KIF21A: variants seen among roughly 807,000 people sequenced by gnomAD.
The protein encoded by KIF21A is kinesin-like protein KIF21A.
KIF21A carries 114 observed loss-of-function variants against 202.9 expected under a neutral mutation model. The observed-to-expected ratio is 0.56, with a 90% confidence interval of 0.48 to 0.66. The LOEUF is 0.66. Ranked by LOEUF, KIF21A falls within the 30% of genes least tolerant of loss-of-function variation. The pLI, the probability that KIF21A is intolerant of heterozygous loss-of-function variation, is 0.00. For synonymous variants in KIF21A, 667 were observed against 670.8 expected, an observed-to-expected ratio of 0.99 and a Z score of 0.09; for missense variants, 1,677 against 1,994.9, an observed-to-expected ratio of 0.84 and a Z score of 3.04.
chr12:39,370,122 C>G lies in KIF21A; in HGVS notation c.184G>C (p.Glu62Gln). 6.2e-7 allele frequency: 1 copy of G among 1,613,208 alleles called. No individual in the cohort carries two copies. The highest frequency in any genetic ancestry group is 2.2e-5 in the East Asian group (1 of 44,814). ...DYVFDIDSQQ[E>Q]QIYIQCIEKL... ...TCTATACATTGAATGTAGATCTGCT[C>G]TTGCTGGGAGTCAATGTCAAATACA... The change falls in exon 2 of 38, where the codon GAG (glutamate) becomes CAG (glutamine). Residue 62 changes from glutamate (E) to glutamine (Q), a missense_variant. Physicochemically the swap from Glu to Gln is conservative, Grantham distance 29. This residue lies in a region of KIF21A where 966 missense variants were observed against 1,180.9 expected (regional missense o/e 0.82). Coordinates refer to ENST00000361418, the MANE Select transcript of KIF21A (RefSeq NM_001173464.2).
At chr12:39,336,667 T>C (rs1592216091) in intron 17 of KIF21A, among the ~76,000 whole-genome samples, 1 of 152,282 alleles carries the variant, frequency 6.6e-6, no homozygotes, top group South Asian at 2.1e-4. Flanking sequence ...GATACAAAAA[T>C]TTTGATAGTC....
At chr12:39,384,316 T>C (rs926917583) in intron 1 of KIF21A, among the ~76,000 whole-genome samples, 7 of 152,218 alleles carry the variant, frequency 4.6e-5, no homozygotes, top group Non-Finnish European at 1.0e-4. Context: ...ATTTTATTAA[T>C]ATGCCATTCC....
At position 39,332,598 on chromosome 12, in the gene KIF21A, A is replaced by C; in HGVS notation, c.2849T>G (p.Leu950Arg). Reference sequence around the variant, plus strand: ...ACTCTCTATTTTCCACACCTTGAGGAGTCTATTCATATCTGCCTCCATGTT... The same window carrying C: ...ACTCTCTATTTTCCACACCTTGAGGCGTCTATTCATATCTGCCTCCATGTT... ...ISNMEADMNR[L>R]LKQREELTKR... The change falls in exon 20 of 38, where the codon CTC (leucine) becomes CGC (arginine). Residue 950 changes from leucine to arginine, a missense_variant. Physicochemically the swap from Leu to Arg is moderately radical, Grantham distance 102. This residue lies in a region of KIF21A where 966 missense variants were observed against 1,180.9 expected (regional missense o/e 0.82). Transcript: ENST00000361418. 6.2e-7 allele frequency: 1 copy of C among 1,612,850 alleles called. No homozygotes were observed. Among genetic ancestry groups the C allele is most frequent in the Non-Finnish European group, 8.5e-7 (1 of 1,179,718 alleles).
At chr12:39,420,764 G>T (rs1954188432) in intron 1 of KIF21A, among the ~76,000 whole-genome samples, 1 of 151,794 alleles carries the variant, frequency 6.6e-6, no homozygotes, top group Admixed American at 6.6e-5. Context: ...AAAGTAATGA[G>T]ATCTACCCGT....
intron 11 of KIF21A, among the ~76,000 whole-genome samples, chr12:39,351,253 T>C (rs1948352194): frequency 6.6e-6 from 1 of 152,098 alleles, no homozygotes; most frequent in Non-Finnish European, 1.5e-5. Flanking sequence ...TCAAAAAGCC[T>C]GAAATAGCAT....
At chr12:39,399,823 G>A (rs1952032783) in intron 1 of KIF21A, among the ~76,000 whole-genome samples, 1 of 151,960 alleles carries the variant, frequency 6.6e-6, no homozygotes, top group Non-Finnish European at 1.5e-5. Context: ...CTGAAAAGAT[G>A]GATTTCACAC....
chr12:39,333,022 G>C lies in KIF21A; in HGVS notation c.2573C>G (p.Pro858Arg). 1 of 1,614,052 alleles carries C rather than the reference G, an allele frequency of 6.2e-7. No homozygotes were observed. The highest frequency in any genetic ancestry group is 2.2e-5 in the East Asian group (1 of 44,880). ...VTRKLSSSDAPAQDTGSSAAA... is the reference protein window; with the variant it reads ...VTRKLSSSDARAQDTGSSAAA... ...TGCACTGGAACCTGTGTCCTGAGCA[G>C]GTGCATCAGATGAACTCAGCTTCCG... is the stretch of plus-strand genomic sequence containing the variant. Residue 858 changes from proline (P) to arginine (R), a missense_variant, in exon 19 of 38, where the codon CCT becomes CGT. Transcript: ENST00000361418.
chr12:39,425,034 C>T (rs1954635708), intron 1 of KIF21A, among the ~76,000 whole-genome samples: 1 of 152,086 alleles, frequency 6.6e-6, no homozygotes, highest in South Asian at 2.1e-4. Flanking sequence ...GCTATACTGT[C>T]CTTCTCACCT....
At chr12:39,432,963 T>C (rs1938162234) in intron 1 of KIF21A, among the ~76,000 whole-genome samples, 1 of 152,110 alleles carries the variant, frequency 6.6e-6, no homozygotes, top group Non-Finnish European at 1.5e-5. Context: ...ATCAAGCTAC[T>C]AAAGGGTATC....
At chr12:39,422,799 T>A (rs1302062695) in intron 1 of KIF21A, among the ~76,000 whole-genome samples, 1 of 152,336 alleles carries the variant, frequency 6.6e-6, no homozygotes, top group East Asian at 1.9e-4. Context: ...GCTCTAAATA[T>A]CCTCTAATTT....
Position 39,346,458 on chromosome 12 carries a change from A to G in KIF21A, c.1712+8T>C. The G allele has an allele frequency of 6.8e-7, 1 of 1,468,732 alleles. No homozygotes were observed. Among genetic ancestry groups the G allele is most frequent in the Admixed American group, 2.3e-5 (1 of 43,024 alleles). 91.0% of individuals were successfully genotyped at this position (1,468,732 alleles called of 1,614,324 possible). ...CATTTTAATAAAAAACCTGGGAAAT[A>G]TTCCAACCTTCTTTCTTCTCGATTG... On this transcript the variant is annotated splice_region_variant and intron_variant, in intron 12 of 37. Coordinates refer to ENST00000361418, the MANE Select transcript of KIF21A (RefSeq NM_001173464.2).
intron 26 of KIF21A, among the ~76,000 whole-genome samples, chr12:39,324,946 C>CAAATCACCTACTATT (rs1267606918): frequency 1.3e-5 from 2 of 152,180 alleles, no homozygotes; most frequent in Non-Finnish European, 2.9e-5. Flanking sequence ...GATTGTTAGT[C>CAAATCACCTACTATT]AAATCACCTA....
At chr12:39,328,014 A>C (rs1193192830) in intron 24 of KIF21A, among the ~76,000 whole-genome samples, 1 of 152,178 alleles carries the variant, frequency 6.6e-6, no homozygotes, top group African/African-American at 2.4e-5. Context: ...TTTTTTATAT[A>C]TATAGCTTCT....
At chr12:39,440,928 T>C (rs1423275509) in intron 1 of KIF21A, among the ~76,000 whole-genome samples, 1 of 152,006 alleles carries the variant, frequency 6.6e-6, no homozygotes, top group Non-Finnish European at 1.5e-5. Context: ...GATTAGAGGA[T>C]TGCTTGAGCC....
chr12:39,304,263 G>A (rs1054705647), intron 35 of KIF21A, among the ~76,000 whole-genome samples: 1 of 151,952 alleles, frequency 6.6e-6, no homozygotes, highest in Non-Finnish European at 1.5e-5. Context: ...ATTCCCCAAG[G>A]CTGAGTTCCC....
At chr12:39,307,492 A>G in intron 34 of KIF21A, 73 bp downstream of exon 34, 1 of 1,436,740 alleles carries the variant, frequency 7.0e-7, no homozygotes. Context: ...TGGATTTCAC[A>G]TGCACTAATG....
chr12:39,428,622 AT>A (rs1480745496), intron 1 of KIF21A, among the ~76,000 whole-genome samples: 1 of 152,250 alleles, frequency 6.6e-6, no homozygotes, highest in Non-Finnish European at 1.5e-5. Flanking sequence ...AATTAATCAA[AT>A]GTCTTTGCTA....
chr12:39,319,666 CAAGT>C (rs762649641), intron 28 of KIF21A, among the ~76,000 whole-genome samples: 4 of 151,860 alleles, frequency 2.6e-5, no homozygotes, highest in South Asian at 2.1e-4. Flanking sequence ...AAATAACTGG[CAAGT>C]AAGTAAGTGG....
intron 27 of KIF21A, chr12:39,321,929 T>C (rs1485698152): frequency 6.6e-6 from 1 of 152,084 alleles, no homozygotes; most frequent in Admixed American, 6.6e-5. Context: ...CATGCACACA[T>C]GGTACACATA....
Sources: allele counts gnomAD v4.1 joint callset (sites outside exome capture counted in the v4.1 genomes callset), GRCh38; gene constraint gnomAD v4.1.1; regional missense constraint gnomAD v4.1.1; transcripts MANE v1.5; gene names NCBI Gene and HGNC (gene_info 2026-07-23, HGNC 2026-07-21).